BBX: variants seen among roughly 807,000 people sequenced by gnomAD.
The protein encoded by BBX is BBX high mobility group box domain containing, also known as HMG box transcription factor BBX.
BBX carries 30 observed loss-of-function variants against 100.2 expected under a neutral mutation model. The ratio of observed to expected loss-of-function variants is 0.30; its 90% CI spans 0.22 to 0.41. The LOEUF is 0.41. Among genes scored for constraint, BBX ranks in the 10% least tolerant of loss-of-function variants. BBX has a pLI of 1.00. For missense variants in BBX, 1,023 were observed against 1,129.8 expected, an observed-to-expected ratio of 0.91 and a Z score of 1.35; for synonymous variants, 376 against 388.1, an observed-to-expected ratio of 0.97 and a Z score of 0.37.
intron 3 of BBX, chr3:107,646,116 A>G (rs535177704): frequency 1.3e-5 from 2 of 152,188 alleles, no homozygotes; most frequent in Non-Finnish European, 2.9e-5. Flanking sequence ...TAAAATCATG[A>G]AAGTGTTAAA....
intron 2 of BBX, among the ~76,000 whole-genome samples, chr3:107,579,715 G>A (rs2052122210): frequency 2.0e-5 from 3 of 152,190 alleles, no homozygotes; most frequent in African/African-American, 7.2e-5. Context: ...CGTTAAAGGA[G>A]TTTAATCCTC....
At chr3:107,639,750 T>A (rs1448427696) in intron 2 of BBX, among the ~76,000 whole-genome samples, 1 of 152,182 alleles carries the variant, frequency 6.6e-6, no homozygotes, top group Non-Finnish European at 1.5e-5. Context: ...ATAATGTACA[T>A]AATGTACAAA....
chr3:107,669,590 A>G (rs2058923706), intron 3 of BBX, among the ~76,000 whole-genome samples: 1 of 152,154 alleles, frequency 6.6e-6, no homozygotes, highest in African/African-American at 2.4e-5. Context: ...TTCTAAGTAA[A>G]TCTGATACAG....
chr3:107,637,334 A>C (rs1245885829), intron 2 of BBX, among the ~76,000 whole-genome samples: 1 of 152,224 alleles, frequency 6.6e-6, no homozygotes, highest in African/African-American at 2.4e-5. Context: ...GACAGTAAAA[A>C]CTTAGGCCCT....
chr3:107,553,237 G>C (rs2049838737), intron 2 of BBX, among the ~76,000 whole-genome samples: 1 of 152,186 alleles, frequency 6.6e-6, no homozygotes, highest in African/African-American at 2.4e-5. Context: ...TTATGTATCA[G>C]ACAATGTGAT....
At chr3:107,651,409 T>C (rs952280046) in intron 3 of BBX, among the ~76,000 whole-genome samples, 7 of 152,150 alleles carry the variant, frequency 4.6e-5, no homozygotes, top group Admixed American at 4.6e-4. Context: ...GTCTAAGAAC[T>C]TGAAAATTCA....
intron 2 of BBX, among the ~76,000 whole-genome samples, chr3:107,550,529 C>T (rs776964363): frequency 4.6e-5 from 7 of 152,018 alleles, no homozygotes; most frequent in Non-Finnish European, 1.0e-4. Context: ...GGGGAAAGGA[C>T]AGTTTTGGTG....
At chr3:107,598,298 T>C (rs1329742797) in intron 2 of BBX, among the ~76,000 whole-genome samples, 1 of 152,218 alleles carries the variant, frequency 6.6e-6, no homozygotes, top group Non-Finnish European at 1.5e-5. Context: ...ATTGCATCTA[T>C]GCATCTGTTT....
intron 2 of BBX, among the ~76,000 whole-genome samples, chr3:107,625,586 C>CT (rs1167080455): frequency 6.6e-6 from 1 of 152,188 alleles, no homozygotes; most frequent in Non-Finnish European, 1.5e-5. Context: ...GCCTGGTAAT[C>CT]TAATTCTAGA....
At chr3:107,702,017 CTGAG>C (rs2061098273) in intron 3 of BBX, among the ~76,000 whole-genome samples, 4 of 152,022 alleles carry the variant, frequency 2.6e-5, no homozygotes, top group Admixed American at 2.6e-4. Context: ...GACTATGTAA[CTGAG>C]TAAGACAAGT....
At chr3:107,525,188 C>A (rs948819030) in intron 1 of BBX, among the ~76,000 whole-genome samples, 1 of 149,654 alleles carries the variant, frequency 6.7e-6, no homozygotes, top group Non-Finnish European at 1.5e-5. Flanking sequence ...ACCCCGGGTC[C>A]GGCCCCACGC....
chr3:107,596,195 T>A (rs983346119), intron 2 of BBX, among the ~76,000 whole-genome samples: 5 of 152,142 alleles, frequency 3.3e-5, no homozygotes, highest in Non-Finnish European at 5.9e-5. Context: ...TAGAATTAAA[T>A]ACATCTAATT....
At chr3:107,784,144 A>T (rs545501229) in intron 13 of BBX, among the ~76,000 whole-genome samples, 1 of 152,180 alleles carries the variant, frequency 6.6e-6, no homozygotes, top group East Asian at 1.9e-4. Context: ...TGCCATCAAG[A>T]TTACATTATA....
At position 107,769,412 on chromosome 3, in the gene BBX, C is replaced by A. The variant is rs1365203541; in HGVS notation, c.907-3216C>A. 2.6e-5 allele frequency among the ~76,000 whole-genome samples: 4 copies of A among 152,088 alleles called. No homozygotes were observed. In the East Asian group the frequency reaches 7.7e-4, roughly 29 times the overall value. ...TTACCCCATTTCTTAGCCTCTGTTT[C>A]CTCATAGGGGTTCAAGTCTAAGTTA... is the stretch of plus-strand genomic sequence containing the variant. On this transcript the variant is annotated intron_variant, in intron 10 of 17. Coordinates refer to ENST00000325805, the MANE Select transcript of BBX (RefSeq NM_001142568.3).
At chr3:107,618,320 T>C (rs1356989545) in intron 2 of BBX, among the ~76,000 whole-genome samples, 1 of 152,032 alleles carries the variant, frequency 6.6e-6, no homozygotes, top group African/African-American at 2.4e-5. Flanking sequence ...GGAATATTAG[T>C]GTGTGTCTTC....
chr3:107,573,991 C>T (rs1005054545), intron 2 of BBX, among the ~76,000 whole-genome samples: 3 of 152,196 alleles, frequency 2.0e-5, no homozygotes, highest in Non-Finnish European at 4.4e-5. Context: ...TCCCAAAGTG[C>T]TGGGATTACA....
chr3:107,628,988 T>C (rs2056380473), intron 2 of BBX, among the ~76,000 whole-genome samples: 1 of 152,196 alleles, frequency 6.6e-6, no homozygotes, highest in South Asian at 2.1e-4. Flanking sequence ...AGTGTTTTGA[T>C]TTCTTTGTAA....
chr3:107,548,465 G>A (rs1216176861), intron 2 of BBX, among the ~76,000 whole-genome samples: 8 of 152,118 alleles, frequency 5.3e-5, no homozygotes, highest in African/African-American at 1.9e-4. Flanking sequence ...TTTGGGAGAT[G>A]TTTTGGGAGA....
chr3:107,589,436 C>T (rs649925), intron 2 of BBX, among the ~76,000 whole-genome samples: 116,016 of 152,126 alleles, frequency 0.76, 45,561 homozygotes, highest in Middle Eastern at 0.84. Flanking sequence ...CAGTAGTCTT[C>T]CCCTTGCTTC....
Sources: gnomAD v4.1 joint callset for allele counts (sites outside exome capture counted in the v4.1 genomes callset) on GRCh38, gnomAD v4.1.1 for gene constraint, MANE v1.5 for transcripts, NCBI Gene and HGNC (gene_info 2026-07-23, HGNC 2026-07-21) for gene names.